The following PKIG variants were observed in gnomAD, a reference collection of about 807,000 sequenced individuals.
PKIG encodes protein kinase (cAMP-dependent, catalytic) inhibitor gamma.
PKIG carries 1 observed loss-of-function variant against 6.8 expected under a neutral mutation model. That is an observed-to-expected ratio of 0.15 (90% CI 0.05 to 0.69). The LOEUF (loss-of-function observed/expected upper bound fraction) is 0.69. Ranked by LOEUF, PKIG falls within the 30% of genes least tolerant of loss-of-function variation. PKIG has a pLI of 0.82. For synonymous variants in PKIG, 39 were observed against 43.0 expected, an observed-to-expected ratio of 0.91 and a Z score of 0.36; for missense variants, 77 against 104.0, an observed-to-expected ratio of 0.74 and a Z score of 1.13.
At chr20:44,616,115 G>A (rs540450547) in intron 3 of PKIG, among the ~76,000 whole-genome samples, 5 of 152,236 alleles carry the variant, frequency 3.3e-5, no homozygotes, top group East Asian at 3.9e-4. Flanking sequence ...GCCTTCACAC[G>A]CTGCACCTCT....
chr20:44,579,064 A>G (rs1386892020), upstream of PKIG, among the ~76,000 whole-genome samples: 1 of 152,212 alleles, frequency 6.6e-6, no homozygotes, highest in East Asian at 1.9e-4. Context: ...AATATACAAT[A>G]ATAGTTTTGG....
intron 1 of PKIG, among the ~76,000 whole-genome samples, chr20:44,546,351 A>AT (rs1568804641): frequency 6.6e-6 from 1 of 152,112 alleles, no homozygotes; most frequent in Non-Finnish European, 1.5e-5. Context: ...CTTTAACTGT[A>AT]TTTTTTAAAA....
chr20:44,607,708 G>A (rs1450714169), intron 2 of PKIG, among the ~76,000 whole-genome samples: 2 of 117,762 alleles, frequency 1.7e-5, no homozygotes, highest in African/African-American at 3.3e-5. Flanking sequence ...TTTTTGAGAC[G>A]GAGTCTCACT....
At chr20:44,581,995 G>C (rs2064952302), upstream of PKIG, among the ~76,000 whole-genome samples, 1 of 152,182 alleles carries the variant, frequency 6.6e-6, no homozygotes, top group Non-Finnish European at 1.5e-5. Context: ...CATTCATTCA[G>C]TTGAAGGCCT....
intron 1 of PKIG, among the ~76,000 whole-genome samples, chr20:44,535,368 C>T (rs1048479362): frequency 2.0e-5 from 3 of 152,150 alleles, no homozygotes; most frequent in Non-Finnish European, 2.9e-5. Flanking sequence ...TGGCCTGGCA[C>T]GGTGGCTTAC....
At chr20:44,585,764 AT>A (rs763046227) in intron 1 of PKIG, among the ~76,000 whole-genome samples, 2 of 152,138 alleles carry the variant, frequency 1.3e-5, no homozygotes, top group African/African-American at 2.4e-5. Context: ...GTTCATTACC[AT>A]TTGCGCATTC....
intron 2 of PKIG, among the ~76,000 whole-genome samples, chr20:44,602,089 A>G (rs1245395042): frequency 6.6e-6 from 1 of 152,226 alleles, no homozygotes; most frequent in African/African-American, 2.4e-5. Context: ...TTCAAGGTCA[A>G]TCACATGTCT....
chr20:44,613,391 C>A (rs1194825538), intron 2 of PKIG, among the ~76,000 whole-genome samples: 1 of 152,246 alleles, frequency 6.6e-6, no homozygotes, highest in East Asian at 1.9e-4. Context: ...TGGTCTTGAT[C>A]TAGAACTACT....
intron 1 of PKIG, among the ~76,000 whole-genome samples, chr20:44,575,712 C>T (rs1201669507): frequency 6.6e-6 from 1 of 152,126 alleles, no homozygotes; most frequent in South Asian, 2.1e-4. Flanking sequence ...TAGAAGCCCT[C>T]GATCAATCCT....
At chr20:44,583,493 G>A (rs2064964895) in intron 1 of PKIG, among the ~76,000 whole-genome samples, 1 of 142,990 alleles carries the variant, frequency 7.0e-6, no homozygotes, top group Non-Finnish European at 1.5e-5. Context: ...TACTTGGTGG[G>A]TCCCTGAACT....
At chr20:44,550,550 C>T (rs1009329304) in intron 1 of PKIG, among the ~76,000 whole-genome samples, 4 of 152,024 alleles carry the variant, frequency 2.6e-5, no homozygotes, top group Non-Finnish European at 5.9e-5. Context: ...AAAAATTGCC[C>T]TTGTTTGATA....
chr20:44,598,134 C>G (rs531636343), intron 2 of PKIG, among the ~76,000 whole-genome samples: 6 of 152,224 alleles, frequency 3.9e-5, no homozygotes, highest in Admixed American at 2.0e-4. Context: ...CTTTCCTGGC[C>G]GTCTCAGGAC....
chr20:44,542,799 G>A (rs538759195), intron 1 of PKIG, among the ~76,000 whole-genome samples: 1 of 152,212 alleles, frequency 6.6e-6, no homozygotes, highest in Non-Finnish European at 1.5e-5. Flanking sequence ...CACCACGTTG[G>A]CCAGACTGGT....
chr20:44,591,182 G>A (rs2065030379), intron 2 of PKIG, among the ~76,000 whole-genome samples: 1 of 152,082 alleles, frequency 6.6e-6, no homozygotes, highest in African/African-American at 2.4e-5. Context: ...AGTGGGCGGG[G>A]ACAGGCTGGG....
At chr20:44,610,127 G>A (rs1420656226) in intron 2 of PKIG, among the ~76,000 whole-genome samples, 6 of 152,218 alleles carry the variant, frequency 3.9e-5, no homozygotes, top group Admixed American at 3.9e-4. Flanking sequence ...CGTGACTAGG[G>A]CAGCGCGCAA....
At chr20:44,596,966 C>G (rs1568828369) in intron 2 of PKIG, among the ~76,000 whole-genome samples, 2 of 152,204 alleles carry the variant, frequency 1.3e-5, no homozygotes, top group Non-Finnish European at 2.9e-5. Flanking sequence ...GCTCCCCAGC[C>G]CCATGGCCTC....
intron 1 of PKIG, among the ~76,000 whole-genome samples, chr20:44,553,794 G>A (rs956640070): frequency 6.6e-6 from 1 of 152,170 alleles, no homozygotes; most frequent in African/African-American, 2.4e-5. Flanking sequence ...GTGAGGGGAG[G>A]AAGGAAGGCT....
chr20:44,605,517 A>G (rs1474297225), intron 2 of PKIG, among the ~76,000 whole-genome samples: 1 of 152,126 alleles, frequency 6.6e-6, no homozygotes, highest in Non-Finnish European at 1.5e-5. Context: ...TACTCCACAA[A>G]TGATTTGAGA....
intron 1 of PKIG, among the ~76,000 whole-genome samples, chr20:44,541,876 A>G (rs1455894371): frequency 6.6e-6 from 1 of 151,882 alleles, no homozygotes; most frequent in Admixed American, 6.6e-5. Flanking sequence ...TTTAGTAGAG[A>G]CAGAGTTTCA....
Sources: gnomAD v4.1 joint callset for allele counts (sites outside exome capture counted in the v4.1 genomes callset) on GRCh38, gnomAD v4.1.1 for gene constraint, MANE v1.5 for transcripts, NCBI Gene and HGNC (gene_info 2026-07-23, HGNC 2026-07-21) for gene names.